The following FAM20B variants were observed in gnomAD, a reference collection of about 807,000 sequenced individuals.
The protein encoded by FAM20B is FAM20B glycosaminoglycan xylosylkinase, also known as glycosaminoglycan xylosylkinase.
FAM20B carries 23 observed loss-of-function variants against 43.8 expected under a neutral mutation model. The observed-to-expected ratio is 0.53, with a 90% CI of 0.38 to 0.74. The LOEUF (loss-of-function observed/expected upper bound fraction) is 0.74, where lower values mean the gene tolerates loss of function less well. FAM20B is among the 30% of genes least tolerant of loss of function. FAM20B has a pLI of 0.00. For synonymous variants in FAM20B, 178 were observed against 192.4 expected (o/e 0.93, Z 0.62); for missense variants, 440 against 510.5 (o/e 0.86, Z 1.33).
chr1:179,023,470 A>G (rs918147151), upstream of FAM20B, among the ~76,000 whole-genome samples: 1 of 152,358 alleles, frequency 6.6e-6, no homozygotes, highest in East Asian at 1.9e-4. Context: ...GAGTCTTGAC[A>G]AAGTGCTCAG....
intron 4 of FAM20B, among the ~76,000 whole-genome samples, chr1:179,057,111 G>A (rs1237658945): frequency 2.0e-5 from 3 of 152,156 alleles, no homozygotes; most frequent in African/African-American, 4.8e-5. Flanking sequence ...TTGGGAGGCC[G>A]AGGTGGGCAG....
intron 6 of FAM20B, 152 bp from the exon 7 acceptor site, chr1:179,066,648 C>T (rs1012747830): frequency 6.3e-6 from 4 of 632,576 alleles, no homozygotes; most frequent in South Asian, 1.9e-5. Flanking sequence ...TTGGTCATGC[C>T]CCGCTTGTTT....
intron 2 of FAM20B, among the ~76,000 whole-genome samples, chr1:179,047,779 T>C (rs2102502524): frequency 6.6e-6 from 1 of 152,362 alleles, no homozygotes; most frequent in East Asian, 1.9e-4. Flanking sequence ...TATTTAGTCC[T>C]GGTGTAAGTG....
intron 7 of FAM20B, among the ~76,000 whole-genome samples, chr1:179,070,935 T>C (rs567292004): frequency 9.1e-4 from 138 of 152,204 alleles, no homozygotes; most frequent in South Asian, 1.2e-3. Context: ...TTTCAACATG[T>C]ATTTTGTAGG....
At chr1:179,042,495 C>T (rs1052857835) in intron 1 of FAM20B, among the ~76,000 whole-genome samples, 14 of 152,176 alleles carry the variant, frequency 9.2e-5, no homozygotes, top group African/African-American at 2.4e-4. Flanking sequence ...AGCCCTGGCT[C>T]GGGGAGACCC....
upstream of FAM20B, among the ~76,000 whole-genome samples, chr1:179,023,293 T>G (rs1649635460): frequency 6.6e-6 from 1 of 152,144 alleles, no homozygotes; most frequent in Admixed American, 6.5e-5. Flanking sequence ...CACATCAATG[T>G]GGAGAAGGTA....
chr1:179,062,833 CT>C (rs1040717848), intron 4 of FAM20B, among the ~76,000 whole-genome samples: 1 of 152,210 alleles, frequency 6.6e-6, no homozygotes, highest in Admixed American at 6.5e-5. Flanking sequence ...ATTTGCTCAA[CT>C]TCCCCCCTTC....
intron 1 of FAM20B, among the ~76,000 whole-genome samples, chr1:179,041,045 C>G (rs1650494521): frequency 6.7e-6 from 1 of 149,786 alleles, no homozygotes; most frequent in Non-Finnish European, 1.5e-5. Context: ...CTCCTCACTT[C>G]CTAGATGGGA....
At chr1:179,026,305 C>A (rs1266590757) in intron 1 of FAM20B, among the ~76,000 whole-genome samples, 3 of 151,478 alleles carry the variant, frequency 2.0e-5, no homozygotes, top group Non-Finnish European at 3.0e-5. Context: ...GGGCGAGGGC[C>A]CGAGGCTTCC....
At chr1:179,028,087 G>T (rs1649863959) in intron 1 of FAM20B, among the ~76,000 whole-genome samples, 1 of 152,136 alleles carries the variant, frequency 6.6e-6, no homozygotes, top group Non-Finnish European at 1.5e-5. Flanking sequence ...GCAGACTTCA[G>T]CTTCCCACAC....
chr1:179,043,916 C>T lies in FAM20B; in HGVS notation c.69C>T (p.Phe23=). 1 of 1,611,582 alleles carries T rather than the reference C, an allele frequency of 6.2e-7. No homozygotes were observed. The highest frequency in any genetic ancestry group is 8.5e-7 in the Non-Finnish European group (1 of 1,177,790). The change falls in exon 2 of 8, where the codon TTC becomes TTT. Residue 23 remains phenylalanine (F), a synonymous_variant. Coordinates refer to ENST00000263733, the MANE Select transcript of FAM20B (RefSeq NM_014864.4). The stretch of plus-strand genomic sequence containing the variant: ...TCATTTTTATCTTCACCAAAGTTTT[C>T]CTGATTGACAACTTAGATACATCAG... ...LLVIFIFTKV[F]LIDNLDTSAA...
At chr1:179,032,132 C>T (rs549972324) in intron 1 of FAM20B, among the ~76,000 whole-genome samples, 3 of 151,930 alleles carry the variant, frequency 2.0e-5, no homozygotes, top group Non-Finnish European at 2.9e-5. Flanking sequence ...TGGATTTGGC[C>T]CCTCACTATG....
chr1:179,028,699 C>A (rs753055052), intron 1 of FAM20B, among the ~76,000 whole-genome samples: 1 of 152,190 alleles, frequency 6.6e-6, no homozygotes, highest in Non-Finnish European at 1.5e-5. Context: ...AACACAGTTA[C>A]AATGAGGCCC....
chr1:179,041,033 C>A (rs1456634930), intron 1 of FAM20B, among the ~76,000 whole-genome samples: 1 of 148,502 alleles, frequency 6.7e-6, no homozygotes, highest in Non-Finnish European at 1.5e-5. Flanking sequence ...CGGGCAGAGA[C>A]GCTCCTCACT....
chr1:179,060,002 A>G (rs1304717423), intron 4 of FAM20B, among the ~76,000 whole-genome samples: 1 of 152,038 alleles, frequency 6.6e-6, no homozygotes, highest in African/African-American at 2.4e-5. Context: ...GTGAAATTCA[A>G]TGAAAAATTT....
intron 3 of FAM20B, 58 bp downstream of exon 3, chr1:179,050,423 GA>G: frequency 2.3e-6 from 3 of 1,316,534 alleles, no homozygotes; most frequent in Non-Finnish European, 3.3e-6. Flanking sequence ...ATCTTTCTTG[GA>G]GAGGACTCGT....
chr1:179,031,801 G>GAAC (rs1650026707), intron 1 of FAM20B, among the ~76,000 whole-genome samples: 1 of 152,234 alleles, frequency 6.6e-6, no homozygotes, highest in Admixed American at 6.5e-5. Context: ...ATGAAAAGCT[G>GAAC]TCATCTTTAA....
chr1:179,044,014 T>G lies in FAM20B; in HGVS notation c.167T>G (p.Leu56Arg). 1.2e-6 allele frequency: 2 copies of G among 1,614,204 alleles called. No homozygotes were observed. The highest frequency in any genetic ancestry group is 1.7e-6 in the Non-Finnish European group (2 of 1,180,032). Residue 56 changes from leucine (L) to arginine (R), a missense_variant, in exon 2 of 8, where the codon CTG becomes CGG. Physicochemically the swap from Leu to Arg is moderately radical, Grantham distance 102. Coordinates refer to ENST00000263733, the MANE Select transcript of FAM20B (RefSeq NM_014864.4). The stretch of plus-strand genomic sequence containing the variant: ...TTGCGGGTGGAGCTGGCACCCAAGC[T>G]GGACCATACCTTGCAGTCTCCCTGG... ...TGLRVELAPK[L>R]DHTLQSPWEI...
At chr1:179,045,508 C>T (rs182460480) in intron 2 of FAM20B, among the ~76,000 whole-genome samples, 2 of 152,210 alleles carry the variant, frequency 1.3e-5, no homozygotes, top group Admixed American at 1.3e-4. Flanking sequence ...GTATAGGGAG[C>T]CCAGAAATGG....
Sources: allele counts gnomAD v4.1 joint callset (sites outside exome capture counted in the v4.1 genomes callset), GRCh38; gene constraint gnomAD v4.1.1; transcripts MANE v1.5; gene names NCBI Gene and HGNC (gene_info 2026-07-23, HGNC 2026-07-21).